The following EPM2A variants were observed in gnomAD, a reference collection of about 807,000 sequenced individuals.
EPM2A encodes the protein laforin.
Under a neutral mutation model 26.5 loss-of-function variants are expected in EPM2A, and 21 were observed. The ratio of observed to expected loss-of-function variants is 0.79; its 90% confidence interval spans 0.56 to 1.14. EPM2A has a LOEUF of 1.14. EPM2A is among the 50% of genes most tolerant of loss of function. The probability of loss-of-function intolerance (pLI) is 0.00; values close to 1 mark genes in which losing one functional copy is unlikely to be tolerated. For synonymous variants in EPM2A, 217 were observed against 177.6 expected (o/e 1.22, Z -1.76); for missense variants, 458 against 440.8 (o/e 1.04, Z -0.35).
At chr6:145,400,490 C>T (rs984718699) in intron 4 of EPM2A, among the ~76,000 whole-genome samples, 6 of 152,110 alleles carry the variant, frequency 3.9e-5, no homozygotes, top group Non-Finnish European at 7.4e-5. Context: ...TATTGACCCC[C>T]GCCCTTTTTT....
At chr6:145,730,627 G>A (rs1776436721) in intron 1 of EPM2A, among the ~76,000 whole-genome samples, 1 of 152,106 alleles carries the variant, frequency 6.6e-6, no homozygotes, top group Admixed American at 6.5e-5. Context: ...GGAGAGAGAG[G>A]CTGTACTCCA....
intron 2 of EPM2A, among the ~76,000 whole-genome samples, chr6:145,595,370 T>C (rs1340175365): frequency 6.6e-6 from 1 of 151,790 alleles, no homozygotes; most frequent in Non-Finnish European, 1.5e-5. Context: ...CAAGAAGACA[T>C]ACTATAGGAA....
intron 2 of EPM2A, among the ~76,000 whole-genome samples, chr6:145,522,987 C>A (rs1204604392): frequency 6.6e-6 from 1 of 152,168 alleles, no homozygotes; most frequent in East Asian, 1.9e-4. Context: ...TTCCAAAAAG[C>A]CTTCTCAGGG....
chr6:145,490,839 C>A, intron 4 of EPM2A: 1 of 640,154 alleles, frequency 1.6e-6, no homozygotes, highest in Non-Finnish European at 2.9e-6. Flanking sequence ...CCATCTTCTT[C>A]TTTAATCTGC....
chr6:145,499,542 G>C (rs1260487753), downstream of EPM2A, among the ~76,000 whole-genome samples: 1 of 152,186 alleles, frequency 6.6e-6, no homozygotes, highest in Admixed American at 6.5e-5. Flanking sequence ...CTTAAGGGCA[G>C]CATTCAAGTC....
intron 4 of EPM2A, among the ~76,000 whole-genome samples, chr6:145,440,109 T>C (rs1779043324): frequency 6.6e-6 from 1 of 152,168 alleles, no homozygotes; most frequent in African/African-American, 2.4e-5. Context: ...AATGAAGACA[T>C]ACCTGAGACT....
intron 2 of EPM2A, among the ~76,000 whole-genome samples, chr6:145,519,056 G>A (rs1419560070): frequency 6.6e-6 from 1 of 152,156 alleles, no homozygotes; most frequent in African/African-American, 2.4e-5. Context: ...AGAACTGAAT[G>A]CTAATTTTCC....
intron 2 of EPM2A, among the ~76,000 whole-genome samples, chr6:145,599,760 T>C (rs1221514216): frequency 1.3e-5 from 2 of 152,046 alleles, no homozygotes; most frequent in Non-Finnish European, 2.9e-5. Context: ...ATGGATTTTA[T>C]CTAGGACAAT....
chr6:145,400,087 T>C (rs573201825), intron 4 of EPM2A, among the ~76,000 whole-genome samples: 1 of 152,266 alleles, frequency 6.6e-6, no homozygotes, highest in South Asian at 2.1e-4. Context: ...AAACATTTAA[T>C]TGGTTGTAAT....
intron 2 of EPM2A, among the ~76,000 whole-genome samples, chr6:145,518,858 G>A (rs1289643323): frequency 6.6e-6 from 1 of 152,148 alleles, no homozygotes; most frequent in East Asian, 1.9e-4. Context: ...CCATTCTATG[G>A]AAACATATAT....
chr6:145,712,164 T>TCTA (rs1775367674), intron 1 of EPM2A, among the ~76,000 whole-genome samples: 1 of 152,110 alleles, frequency 6.6e-6, no homozygotes, highest in African/African-American at 2.4e-5. Flanking sequence ...TGATAGATAA[T>TCTA]TCATTTTAAG....
chr6:145,428,438 G>A (rs1226002324), intron 4 of EPM2A, among the ~76,000 whole-genome samples: 3 of 151,994 alleles, frequency 2.0e-5, no homozygotes, highest in South Asian at 2.1e-4. Flanking sequence ...CCTTCCCAAC[G>A]AGCGGTTAAT....
chr6:145,733,528 C>T (rs1045140539), intron 1 of EPM2A, among the ~76,000 whole-genome samples: 2 of 152,028 alleles, frequency 1.3e-5, no homozygotes, highest in Admixed American at 1.3e-4. Context: ...AAACTATTAA[C>T]GGCATAGGGA....
Position 145,691,458 on chromosome 6 carries a change from G to A in EPM2A, c.302-5162C>T, listed in dbSNP as rs114419432. On this transcript the variant is annotated intron_variant, in intron 1 of 3. Transcript: ENST00000367519. ...GAAGGAAAACTAAGAAAATTTTGCC[G>A]CTGAATTATCTTAAAAATGACTAAC... is the stretch of plus-strand genomic sequence containing the variant. Among the ~76,000 whole-genome samples, 456 of 152,110 alleles carry A rather than the reference G, an allele frequency of 3.0e-3. 5 individuals are homozygous for A. Among genetic ancestry groups the A allele is most frequent in the African/African-American group, 9.6e-3 (399 of 41,514 alleles).
intron 2 of EPM2A, among the ~76,000 whole-genome samples, chr6:145,644,027 T>C (rs542939550): frequency 1.3e-5 from 2 of 152,322 alleles, no homozygotes; most frequent in African/African-American, 4.8e-5. Context: ...CCCATGCTGC[T>C]GGCCCTTGGA....
At chr6:145,666,168 T>G (rs1446575069) in intron 2 of EPM2A, among the ~76,000 whole-genome samples, 1 of 134,810 alleles carries the variant, frequency 7.4e-6, no homozygotes, top group South Asian at 2.4e-4. Flanking sequence ...GCCAGGGCAA[T>G]CAGGCAGAAG....
chr6:145,630,867 A>T (rs937685529), intron 3 of EPM2A: 2 of 152,224 alleles, frequency 1.3e-5, no homozygotes, highest in Non-Finnish European at 2.9e-5. Context: ...TTTATATATG[A>T]ACAAATTGAG....
intron 4 of EPM2A, among the ~76,000 whole-genome samples, chr6:145,474,192 T>C (rs901749538): frequency 1.9e-4 from 29 of 152,154 alleles, no homozygotes; most frequent in African/African-American, 6.3e-4. Context: ...ACCAGCGTGG[T>C]GGCTCATGCC....
At chr6:145,537,680 A>C (rs1162497668) in intron 2 of EPM2A, among the ~76,000 whole-genome samples, 1 of 149,686 alleles carries the variant, frequency 6.7e-6, no homozygotes, top group African/African-American at 2.5e-5. Flanking sequence ...GTTTTGCTGC[A>C]CCTATCAACC....
Sources: allele counts gnomAD v4.1 joint callset (sites outside exome capture counted in the v4.1 genomes callset), GRCh38; gene constraint gnomAD v4.1.1; transcripts MANE v1.5; gene names NCBI Gene and HGNC (gene_info 2026-07-23, HGNC 2026-07-21).